Variants in P2RY2 observed in about 807,000 individuals in gnomAD.
The protein encoded by P2RY2 is P2Y purinoceptor 2.
For synonymous variants in P2RY2, 241 were observed against 231.9 expected (o/e 1.04, Z -0.35); for missense variants, 567 against 515.7 (o/e 1.10, Z -0.96).
chr11:73,226,432 C>T (rs541613877), intron 1 of P2RY2, among the ~76,000 whole-genome samples: 1 of 152,114 alleles, frequency 6.6e-6, no homozygotes, highest in Non-Finnish European at 1.5e-5. Context: ...GCCCACCGGC[C>T]TTGTCAATCT....
In P2RY2 at chr11:73,237,609, C is replaced by T. The variant is rs961344215; in HGVS notation, c.*2316C>T. Among the ~76,000 whole-genome samples the T allele has an allele frequency of 3.9e-5, 6 of 152,110 alleles. No homozygotes were observed. The highest frequency in any genetic ancestry group is 1.4e-4 in the African/African-American group (6 of 41,422). ...CACCCTTGAGCCTTTCCCACAGGCCCGAGCCACTCCACAAGGACACAGGAG... is the reference window on the plus strand; with the variant it reads ...CACCCTTGAGCCTTTCCCACAGGCCTGAGCCACTCCACAAGGACACAGGAG... On this transcript the variant is annotated 3_prime_UTR_variant, in exon 3 of 3. Coordinates refer to ENST00000393597, the MANE Select transcript of P2RY2 (RefSeq NM_002564.4).
At chr11:73,230,102 T>C (rs1188322599) in intron 2 of P2RY2, among the ~76,000 whole-genome samples, 1 of 151,922 alleles carries the variant, frequency 6.6e-6, no homozygotes, top group Non-Finnish European at 1.5e-5. Flanking sequence ...TCTCCGTAGC[T>C]CCTTAGTCTC....
rs753166635 is a variant in P2RY2, at chr11:73,235,268, A to G, written c.1109A>G (p.Glu370Gly). ...ACAGAGTCCACGCCGGCTGGTAGCG[A>G]GAACACTAAGGACATTCGGCTGTAG... ...RRTESTPAGS[E>G]NTKDIRL is the part of the protein sequence containing the mutation. Residue 370 changes from glutamate (E) to glycine (G), a missense_variant, in exon 3 of 3, where the codon GAG (glutamate) becomes GGG (glycine). Physicochemically the swap from Glu to Gly is moderately conservative, Grantham distance 98. Coordinates refer to ENST00000393597, the MANE Select transcript of P2RY2 (RefSeq NM_002564.4). 1.3e-5 allele frequency: 21 copies of G among 1,575,456 alleles called. No homozygotes were observed. In the Middle Eastern group the frequency reaches 1.0e-3, roughly 76 times the overall value.
At chr11:73,220,206 C>T (rs1207680168) in intron 1 of P2RY2, among the ~76,000 whole-genome samples, 1 of 152,176 alleles carries the variant, frequency 6.6e-6, no homozygotes, top group Non-Finnish European at 1.5e-5. Context: ...GTGGGTGGCA[C>T]AGTTTGCCAG....
chr11:73,235,215 G>T lies in P2RY2; in HGVS notation c.1056G>T (p.Val352=). Residue 352 remains valine, a synonymous_variant, in exon 3 of 3, where the codon GTG becomes GTT. Coordinates refer to ENST00000393597, the MANE Select transcript of P2RY2 (RefSeq NM_002564.4). The part of the protein sequence containing the change: ...DRTDMQRIED[V]LGSSEDSRRT... The stretch of plus-strand genomic sequence containing the variant: ...CTGACATGCAGAGGATAGAAGATGT[G>T]TTGGGCAGCAGTGAGGACTCTAGGC... 6.2e-7 allele frequency: 1 copy of T among 1,611,732 alleles called. No homozygotes were observed. The highest frequency in any genetic ancestry group is 8.5e-7 in the Non-Finnish European group (1 of 1,178,988).
intron 1 of P2RY2, among the ~76,000 whole-genome samples, chr11:73,224,413 T>A (rs1256737174): frequency 6.6e-6 from 1 of 152,170 alleles, no homozygotes; most frequent in African/African-American, 2.4e-5. Context: ...GGTCAGGCGC[T>A]CTCTCCTCCA....
At chr11:73,229,453 G>C (rs879507817) in intron 2 of P2RY2, among the ~76,000 whole-genome samples, 2 of 152,152 alleles carry the variant, frequency 1.3e-5, no homozygotes, top group African/African-American at 2.4e-5. Flanking sequence ...GGTCAGGAGA[G>C]GCAGAAGGGA....
In P2RY2 at chr11:73,234,106, G is replaced by C; in HGVS notation, c.-4-50G>C. ...TCAGGTGGCTGTGTCAGGTCCCCTA[G>C]GGGCGCTCCGGCCACAACCCTGATG... is the stretch of plus-strand genomic sequence containing the variant. On this transcript the variant is annotated intron_variant, in intron 2 of 2. Coordinates refer to ENST00000393597, the MANE Select transcript of P2RY2 (RefSeq NM_002564.4). 3.9e-6 allele frequency: 6 copies of C among 1,551,408 alleles called. No homozygotes were observed. In the South Asian group the frequency reaches 7.4e-5, roughly 19 times the overall value.
At chr11:73,228,574 G>T (rs1478957670) in intron 2 of P2RY2, among the ~76,000 whole-genome samples, 1 of 152,154 alleles carries the variant, frequency 6.6e-6, no homozygotes, top group Non-Finnish European at 1.5e-5. Context: ...TCCATCTCCA[G>T]AGCGCCCATG....
intron 2 of P2RY2, 137 bp from the exon 3 acceptor site, chr11:73,234,019 A>G: frequency 1.0e-6 from 1 of 997,110 alleles, no homozygotes; most frequent in East Asian, 2.6e-5. Context: ...ATGCATTCTC[A>G]AGGTTCCAGA....
Position 73,237,182 on chromosome 11 carries a change from G to C in P2RY2, c.*1889G>C. 3 of 856,758 alleles carry C rather than the reference G, an allele frequency of 3.5e-6. No individual in the cohort carries two copies. The highest frequency in any genetic ancestry group is 4.2e-6 in the Non-Finnish European group (3 of 712,300). The allele number at this position is 856,758 out of a possible 1,614,324, so 53.1% of individuals were successfully genotyped here. ...AGGTGGGTGACCTGCCCAGAATAGT[G>C]TGAGCTATTCACCTCTCACCTTCTA... is the stretch of plus-strand genomic sequence containing the variant. On this transcript the variant is annotated 3_prime_UTR_variant, in exon 3 of 3. Coordinates refer to ENST00000393597, the MANE Select transcript of P2RY2 (RefSeq NM_002564.4).
chr11:73,224,573 T>A (rs1862222923), intron 1 of P2RY2, among the ~76,000 whole-genome samples: 1 of 152,132 alleles, frequency 6.6e-6, no homozygotes. Flanking sequence ...TACCTCAGAG[T>A]CCCCAGGTGC....
intron 1 of P2RY2, among the ~76,000 whole-genome samples, chr11:73,226,562 C>T (rs1862284615): frequency 6.6e-6 from 1 of 152,284 alleles, no homozygotes; most frequent in East Asian, 1.9e-4. Context: ...CCACATCCCC[C>T]CAGCCTTGTA....
At chr11:73,226,023 C>G (rs568492071) in intron 1 of P2RY2, among the ~76,000 whole-genome samples, 1 of 152,102 alleles carries the variant, frequency 6.6e-6, no homozygotes, top group Admixed American at 6.5e-5. Flanking sequence ...GGTGGACAGA[C>G]GGGGCAGGGG....
chr11:73,225,606 A>G (rs1862255108), intron 1 of P2RY2, among the ~76,000 whole-genome samples: 2 of 121,498 alleles, frequency 1.6e-5, no homozygotes, highest in African/African-American at 6.6e-5. Flanking sequence ...GGCAGGAGGT[A>G]GTGGTCAGGG....
intron 2 of P2RY2, among the ~76,000 whole-genome samples, chr11:73,232,516 A>G (rs576503347): frequency 6.6e-6 from 1 of 151,870 alleles, no homozygotes; most frequent in Non-Finnish European, 1.5e-5. Flanking sequence ...GGCCCAGGTG[A>G]TCCTCCCACC....
chr11:73,228,993 C>CTTCATTCATTCA (rs58289514), intron 2 of P2RY2, among the ~76,000 whole-genome samples: 124 of 150,222 alleles, frequency 8.3e-4, no homozygotes, highest in Non-Finnish European at 1.1e-3. Context: ...CTTGTGCTTG[C>CTTCATTCATTCA]TTCATTCATT....
At chr11:73,230,365 C>A (rs56165214) in intron 2 of P2RY2, among the ~76,000 whole-genome samples, 25,980 of 151,708 alleles carry the variant, frequency 0.17, 2,705 homozygotes, top group South Asian at 0.26. Flanking sequence ...CCCTGGCTCA[C>A]CACAATCACC....
rs753021068 is a variant in P2RY2 at position 73,236,145 on chromosome 11, A to G, written c.*852A>G. The G allele has an allele frequency of 5.8e-5, 58 of 1,000,162 alleles. No homozygotes were observed. Among genetic ancestry groups the G allele is most frequent in the Admixed American group, 1.8e-4 (3 of 16,268 alleles). The allele number at this position is 1,000,162 out of a possible 1,614,324, so 62.0% of individuals were successfully genotyped here. ...GGCTTCTGTGCCTGACTCTGTGCTG[A>G]GCACAGAGAAAAGTCAGGTGCAGTC... On this transcript the variant is annotated 3_prime_UTR_variant, in exon 3 of 3. Coordinates refer to ENST00000393597, the MANE Select transcript of P2RY2 (RefSeq NM_002564.4).
Sources: allele counts gnomAD v4.1 joint callset (sites outside exome capture counted in the v4.1 genomes callset), GRCh38; gene constraint gnomAD v4.1.1; transcripts MANE v1.5; gene names NCBI Gene and HGNC (gene_info 2026-07-23, HGNC 2026-07-21).